PHF19: variants seen among roughly 807,000 people sequenced by gnomAD.
PHF19 encodes PHD finger protein 19.
Under a neutral mutation model 79.8 loss-of-function variants are expected in PHF19, and 21 were observed. That is an observed-to-expected ratio of 0.26 (90% CI 0.19 to 0.38). PHF19 has a LOEUF of 0.38. PHF19 is among the 10% of genes least tolerant of loss of function. The pLI, the probability that PHF19 is intolerant of heterozygous loss-of-function variation, is 1.00. For missense variants in PHF19, 445 were observed against 744.2 expected, an observed-to-expected ratio of 0.60 and a Z score of 4.68; for synonymous variants, 273 against 296.3, an observed-to-expected ratio of 0.92 and a Z score of 0.81.
chr9:120,883,897 A>G (rs540048377), intron 1 of PHF19, among the ~76,000 whole-genome samples: 46 of 152,278 alleles, frequency 3.0e-4, no homozygotes, highest in Middle Eastern at 3.4e-3. Flanking sequence ...TCAGACCACA[A>G]TGACCTCTAA....
intron 1 of PHF19, among the ~76,000 whole-genome samples, chr9:120,887,567 G>C (rs2046282122): frequency 6.6e-6 from 1 of 151,736 alleles, no homozygotes; most frequent in Admixed American, 6.6e-5. Flanking sequence ...TTTTGGACTT[G>C]CCAGCTCCCA....
chr9:120,893,044 A>G (rs1479023000), intron 1 of PHF19, among the ~76,000 whole-genome samples: 1 of 152,242 alleles, frequency 6.6e-6, no homozygotes, highest in Non-Finnish European at 1.5e-5. Context: ...AATGGGGACA[A>G]TCTCAGTGCC....
At chr9:120,898,438 T>C (rs919717319), upstream of PHF19, among the ~76,000 whole-genome samples, 2 of 152,204 alleles carry the variant, frequency 1.3e-5, no homozygotes, top group African/African-American at 2.4e-5. Context: ...TTTTCATCTA[T>C]AAAGTCAGGA....
Position 120,870,593 on chromosome 9 carries a change from A to G in PHF19, c.269-55T>C. Reference sequence around the variant, plus strand: ...CAGCTCACAGGAATGGAAGTTTTATACTCACATTCCAGATGCCCAGCCTCT... The same window carrying G: ...CAGCTCACAGGAATGGAAGTTTTATGCTCACATTCCAGATGCCCAGCCTCT... On this transcript the variant is annotated intron_variant, in intron 3 of 14. Transcript: ENST00000373896. The surrounding 1 kb of genome is among the most constrained non-coding windows in gnomAD (Gnocchi z 4.4). 9.6e-7 allele frequency: 1 copy of G among 1,042,944 alleles called. No individual in the cohort carries two copies. Among genetic ancestry groups the G allele is most frequent in the Non-Finnish European group, 1.5e-6 (1 of 660,418 alleles). The allele number at this position is 1,042,944 out of a possible 1,614,324, so 64.6% of individuals were successfully genotyped here.
At chr9:120,897,362 G>C (rs1488949753), upstream of PHF19, among the ~76,000 whole-genome samples, 1 of 152,204 alleles carries the variant, frequency 6.6e-6, no homozygotes, top group Non-Finnish European at 1.5e-5. Flanking sequence ...GCACCACCAG[G>C]ACTCTCCACC....
intron 14 of PHF19, among the ~76,000 whole-genome samples, chr9:120,858,811 TCACACACACACACACACACACACACA>T (rs56042039): frequency 2.4e-5 from 3 of 122,802 alleles, no homozygotes; most frequent in Non-Finnish European, 5.2e-5. Context: ...CTGACAGACA[TCACACACACACACACACACACACACA>T]CACACACACA....
chr9:120,882,435 TA>T (rs34748466), intron 1 of PHF19, among the ~76,000 whole-genome samples: 78,195 of 152,082 alleles, frequency 0.51, 20,811 homozygotes, highest in Middle Eastern at 0.68. Context: ...TTTATCGAAA[TA>T]TACTTCACGT....
In PHF19 at chr9:120,869,119, T is replaced by G; in HGVS notation, c.614+63A>C. On this transcript the variant is annotated intron_variant, in intron 6 of 14. Transcript: ENST00000373896. The surrounding 1 kb of genome is among the most constrained non-coding windows in gnomAD (Gnocchi z 5.8). ...CGCCAGGCTCGCTCCCTATGGGCGG[T>G]CCCTGCTGGCGATTCTTGGAGACCT... 1 of 1,512,564 alleles carries G rather than the reference T, an allele frequency of 6.6e-7. No homozygotes were observed. The highest frequency in any genetic ancestry group is 8.9e-7 in the Non-Finnish European group (1 of 1,124,470). The allele number at this position is 1,512,564 out of a possible 1,614,324, so 93.7% of individuals were successfully genotyped here. A position where few individuals can be genotyped will look rare whatever the true frequency, so the allele number is the denominator to read the frequency against.
At chr9:120,896,052 A>G (rs78841549), upstream of PHF19, among the ~76,000 whole-genome samples, 74 of 152,280 alleles carry the variant, frequency 4.9e-4, no homozygotes, top group East Asian at 6.4e-3. Flanking sequence ...CTCACTAGCC[A>G]TGTGACCCTG....
rs1019607354 is a variant in PHF19 at position 120,856,545 on chromosome 9, T to G, written c.*1399A>C. Reference sequence around the variant, plus strand: ...CCATTTTCCAATCAAGTGAGTCAGTTTCTAATATCTCTGGAAGCAGCAAAA... The same window carrying G: ...CCATTTTCCAATCAAGTGAGTCAGTGTCTAATATCTCTGGAAGCAGCAAAA... On this transcript the variant is annotated 3_prime_UTR_variant, in exon 15 of 15. Coordinates refer to ENST00000373896, the MANE Select transcript of PHF19 (RefSeq NM_015651.3). The G allele has an allele frequency of 4.6e-5, 7 of 152,162 alleles. No homozygotes were observed. Among genetic ancestry groups the G allele is most frequent in the African/African-American group, 1.7e-4 (7 of 41,426 alleles). 9.4% of individuals were successfully genotyped at this position (152,162 alleles called of 1,614,324 possible). A position where few individuals can be genotyped will look rare whatever the true frequency, so the allele number is the denominator to read the frequency against.
intron 12 of PHF19, 38 bp from the exon 13 acceptor site, chr9:120,861,212 C>T (rs776558842): frequency 1.7e-5 from 21 of 1,207,442 alleles, no homozygotes; most frequent in Admixed American, 8.4e-5. Context: ...GGTCAGACAG[C>T]GAGTATCAAA....
intron 1 of PHF19, among the ~76,000 whole-genome samples, chr9:120,883,761 C>CAA (rs563911814): frequency 9.1e-6 from 1 of 109,986 alleles, no homozygotes. Context: ...ACACTGTCTC[C>CAA]AAAAAAAAAA....
chr9:120,896,469 T>TG (rs2046402773), upstream of PHF19, among the ~76,000 whole-genome samples: 1 of 109,208 alleles, frequency 9.2e-6, no homozygotes, highest in African/African-American at 3.4e-5. Flanking sequence ...TTTTTTTTTT[T>TG]GAGACGGAGT....
intron 1 of PHF19, among the ~76,000 whole-genome samples, chr9:120,890,486 T>C (rs938158577): frequency 6.6e-6 from 1 of 152,034 alleles, no homozygotes; most frequent in African/African-American, 2.4e-5. Flanking sequence ...CTCGCCCTGG[T>C]GAGGCCACTG....
At chr9:120,898,370 G>A (rs900492167), upstream of PHF19, among the ~76,000 whole-genome samples, 9 of 152,222 alleles carry the variant, frequency 5.9e-5, no homozygotes, top group African/African-American at 2.2e-4. Flanking sequence ...TCCTGCCTTG[G>A]CCTCCCAAAG....
chr9:120,892,397 C>G (rs549827092), intron 1 of PHF19, among the ~76,000 whole-genome samples: 1 of 152,104 alleles, frequency 6.6e-6, no homozygotes. Flanking sequence ...TTGTGCCGTA[C>G]GTGCAATTGG....
chr9:120,883,199 G>T (rs1240891768), intron 1 of PHF19, among the ~76,000 whole-genome samples: 1 of 152,224 alleles, frequency 6.6e-6, no homozygotes, highest in Non-Finnish European at 1.5e-5. Context: ...TGCCTTCTCT[G>T]TGAACCCAGG....
rs763051589 is a variant in PHF19 at position 120,865,766 on chromosome 9, A to G, written c.844T>C (p.Phe282Leu). 1 of 1,614,160 alleles carries G rather than the reference A, an allele frequency of 6.2e-7. No homozygotes were observed. The highest frequency in any genetic ancestry group is 1.7e-5 in the Admixed American group (1 of 60,028). ...TTGACAAAGGCCAGAATCTCCTCAA[A>G]GTCAAAGTACTTCTTCTTGCTCTGT... ...GVQSKKKYFD[F>L]EEILAFVNHH... Residue 282 changes from phenylalanine to leucine, a missense_variant, in exon 9 of 15, where the codon TTT (phenylalanine) becomes CTT (leucine). Phe to Leu is a conservative substitution (Grantham distance 22). Transcript: ENST00000373896.
rs1424730658 is a variant in PHF19, at chr9:120,874,910, CATT to C, written c.-15-157_-15-155del. ...CCTCGTGACCATCCTATGAGGGAGA[CATT>C]ATTATTATTCACATCTTACAGATAG... On this transcript the variant is annotated intron_variant, in intron 1 of 14. Transcript: ENST00000373896. The surrounding 1 kb of genome is among the most constrained non-coding windows in gnomAD (Gnocchi z 4.5). 6.6e-6 allele frequency among the ~76,000 whole-genome samples: 1 copy of C among 152,144 alleles called. No homozygotes were observed. Among genetic ancestry groups the C allele is most frequent in the Non-Finnish European group, 1.5e-5 (1 of 68,032 alleles).
Sources: allele counts gnomAD v4.1 joint callset (sites outside exome capture counted in the v4.1 genomes callset), GRCh38; gene constraint gnomAD v4.1.1; non-coding constraint Gnocchi (gnomAD v3.1); transcripts MANE v1.5; gene names NCBI Gene and HGNC (gene_info 2026-07-23, HGNC 2026-07-21).